Variants in KLHL28 observed in about 807,000 individuals in gnomAD.
KLHL28 encodes kelch like family member 28.
In KLHL28, 22 loss-of-function variants were observed where a neutral mutation model predicts 48.3. The ratio of observed to expected loss-of-function variants is 0.46; its 90% CI spans 0.33 to 0.65. The LOEUF (loss-of-function observed/expected upper bound fraction) is 0.65. Ranked by LOEUF, KLHL28 falls within the 30% of genes least tolerant of loss-of-function variation. The pLI is 0.03. For synonymous variants in KLHL28, 243 were observed against 242.4 expected (o/e 1.00, Z -0.02); for missense variants, 527 against 704.3 (o/e 0.75, Z 2.85).
intron 2 of KLHL28, among the ~76,000 whole-genome samples, chr14:44,944,264 C>A (rs866776405): frequency 6.6e-6 from 1 of 152,136 alleles, no homozygotes; most frequent in Non-Finnish European, 1.5e-5. Context: ...TCACCATGGG[C>A]CAAATTTAGC....
At chr14:44,947,120 C>T (rs1394716464) in intron 1 of KLHL28, among the ~76,000 whole-genome samples, 1 of 152,118 alleles carries the variant, frequency 6.6e-6, no homozygotes, top group Admixed American at 6.6e-5. Context: ...GGGACAAGAT[C>T]CTGGATTATC....
At chr14:44,931,151 A>G (rs1883567808) in intron 4 of KLHL28, among the ~76,000 whole-genome samples, 182 bp downstream of exon 4, 1 of 152,178 alleles carries the variant, frequency 6.6e-6, no homozygotes, top group Non-Finnish European at 1.5e-5. Flanking sequence ...AAGTCACAAT[A>G]AAGAAATCTA....
chr14:44,960,053 G>A (rs186737309), intron 1 of KLHL28, among the ~76,000 whole-genome samples: 1 of 152,280 alleles, frequency 6.6e-6, no homozygotes, highest in East Asian at 1.9e-4. Flanking sequence ...CCACTATGGA[G>A]ACTAATGCCT....
In KLHL28 at chr14:44,926,012, A is replaced by G. The variant is rs1198451648; in HGVS notation, c.*3016T>C. 6.6e-6 allele frequency: 1 copy of G among 152,162 alleles called. No homozygotes were observed. The highest frequency in any genetic ancestry group is 2.4e-5 in the African/African-American group (1 of 41,452). The allele number at this position is 152,162 out of a possible 1,614,324, so 9.4% of individuals were successfully genotyped here. A position where few individuals can be genotyped will look rare whatever the true frequency, so the allele number is the denominator to read the frequency against. On this transcript the variant is annotated 3_prime_UTR_variant, in exon 5 of 5. Transcript: ENST00000396128. ...TTTCTCTTCTTGCCTGAATATGTAAAATTATTTCTAATACTTTTAATCCTG... is the reference window on the plus strand; with the variant it reads ...TTTCTCTTCTTGCCTGAATATGTAAGATTATTTCTAATACTTTTAATCCTG...
rs1884306633 is a variant in KLHL28, at chr14:44,945,756, G to A, written c.173C>T (p.Pro58Leu). ...TCCAGTGAACATAGCTTTGAAATACGGGCTGACGCTGGCAAGTACCACTTT... is the reference window on the plus strand; with the variant it reads ...TCCAGTGAACATAGCTTTGAAATACAGGCTGACGCTGGCAAGTACCACTTT... The part of the protein sequence containing the change: ...AHKVVLASVS[P>L]YFKAMFTGNL... The change falls in exon 2 of 5, where the codon CCG (proline) becomes CTG (leucine). Residue 58 changes from proline (P) to leucine (L), a missense_variant. Physicochemically the swap from Pro to Leu is moderately conservative, Grantham distance 98. Coordinates refer to ENST00000396128, the MANE Select transcript of KLHL28 (RefSeq NM_017658.5). 4 of 1,614,040 alleles carry A rather than the reference G, an allele frequency of 2.5e-6. No homozygotes were observed. Among genetic ancestry groups the A allele is most frequent in the Non-Finnish European group, 3.4e-6 (4 of 1,180,002 alleles).
At chr14:44,957,908 C>A (rs895044716) in intron 1 of KLHL28, among the ~76,000 whole-genome samples, 1 of 151,932 alleles carries the variant, frequency 6.6e-6, no homozygotes, top group East Asian at 1.9e-4. Context: ...GAGGATAGAT[C>A]ATTCATATAA....
intron 1 of KLHL28, among the ~76,000 whole-genome samples, chr14:44,960,723 CA>C (rs1885022669): frequency 6.9e-6 from 1 of 144,128 alleles, no homozygotes; most frequent in Non-Finnish European, 1.5e-5. Context: ...CCCACCCCCC[CA>C]AAAACAAAAC....
At chr14:44,949,790 T>C (rs1261207174) in intron 1 of KLHL28, among the ~76,000 whole-genome samples, 1 of 152,118 alleles carries the variant, frequency 6.6e-6, no homozygotes, top group African/African-American at 2.4e-5. Context: ...GTAGAACGTG[T>C]TTAACAGGTT....
At chr14:44,961,294 G>A (rs1361809462) in intron 1 of KLHL28, among the ~76,000 whole-genome samples, 5 of 152,124 alleles carry the variant, frequency 3.3e-5, no homozygotes, top group Non-Finnish European at 5.9e-5. Context: ...AGGCTAGGGC[G>A]GCAGACGGAG....
At chr14:44,934,881 A>G (rs1883743087) in intron 2 of KLHL28, among the ~76,000 whole-genome samples, 1 of 152,208 alleles carries the variant, frequency 6.6e-6, no homozygotes, top group South Asian at 2.1e-4. Flanking sequence ...CTGAATGTCT[A>G]TTATAATTTT....
At chr14:44,949,368 C>G (rs946615559) in intron 1 of KLHL28, among the ~76,000 whole-genome samples, 1 of 152,044 alleles carries the variant, frequency 6.6e-6, no homozygotes, top group East Asian at 1.9e-4. Context: ...ATTTAGAAGA[C>G]TTGTAGATCA....
chr14:44,941,578 A>T (rs1884088876), intron 2 of KLHL28, among the ~76,000 whole-genome samples: 1 of 149,580 alleles, frequency 6.7e-6, no homozygotes, highest in Non-Finnish European at 1.5e-5. Context: ...CGGTGAGCCG[A>T]GATTGCGCCA....
In KLHL28 at chr14:44,945,244, A is replaced by G. The variant is rs765664066; in HGVS notation, c.685T>C (p.Leu229=). ...AGTCTAGTGAGAAACTTAACACTCAACAATGGTAATCGTACACTGTTTAGT... is the reference window on the plus strand; with the variant it reads ...AGTCTAGTGAGAAACTTAACACTCAGCAATGGTAATCGTACACTGTTTAGT... ...QLLNSVRLPL[L]SVKFLTRLYE... is the part of the protein sequence containing the mutation. The change falls in exon 2 of 5, where the codon TTG becomes CTG. Residue 229 remains leucine, a synonymous_variant. Transcript: ENST00000396128. The G allele has an allele frequency of 6.2e-7, 1 of 1,614,150 alleles. No homozygotes were observed. The highest frequency in any genetic ancestry group is 8.5e-7 in the Non-Finnish European group (1 of 1,179,996).
Position 44,933,117 on chromosome 14 carries a change from T to C in KLHL28, c.1343+998A>G, listed in dbSNP as rs536154011. On this transcript the variant is annotated intron_variant, in intron 3 of 4. Transcript: ENST00000396128. ...CTTATAATACTATGCAAATAGCTGTTATACTGTATTATTTTGTTTTTTATT... is the reference window on the plus strand; with the variant it reads ...CTTATAATACTATGCAAATAGCTGTCATACTGTATTATTTTGTTTTTTATT... Among the ~76,000 whole-genome samples the C allele has an allele frequency of 1.1e-3, 165 of 152,310 alleles. 1 individual carries two copies. Among genetic ancestry groups the C allele is most frequent in the Non-Finnish European group, 1.8e-3 (123 of 68,028 alleles).
intron 1 of KLHL28, 54 bp from the exon 2 acceptor site, chr14:44,945,982 A>T: frequency 1.4e-6 from 2 of 1,396,580 alleles, no homozygotes; most frequent in South Asian, 1.3e-5. Context: ...CTTGTCAAAA[A>T]CACTGCTTTT....
intron 1 of KLHL28, among the ~76,000 whole-genome samples, chr14:44,948,709 G>C (rs1884448055): frequency 6.6e-6 from 1 of 151,970 alleles, no homozygotes; most frequent in Non-Finnish European, 1.5e-5. Flanking sequence ...CTCATGTAAT[G>C]ACTATAGCTC....
At chr14:44,946,455 C>T (rs1884339505) in intron 1 of KLHL28, among the ~76,000 whole-genome samples, 1 of 151,822 alleles carries the variant, frequency 6.6e-6, no homozygotes, top group Non-Finnish European at 1.5e-5. Flanking sequence ...GGTACTATTA[C>T]CACCAATTAA....
intron 2 of KLHL28, among the ~76,000 whole-genome samples, chr14:44,943,045 CT>C (rs1311751301): frequency 1.3e-5 from 2 of 151,908 alleles, no homozygotes; most frequent in Non-Finnish European, 2.9e-5. Context: ...GCAAATAATA[CT>C]TTTAATTTTT....
At chr14:44,952,660 A>G (rs1454475990) in intron 1 of KLHL28, among the ~76,000 whole-genome samples, 1 of 152,158 alleles carries the variant, frequency 6.6e-6, no homozygotes, top group African/African-American at 2.4e-5. Context: ...CAGCCTCATC[A>G]GTAGCTGGGA....
Sources: allele counts gnomAD v4.1 joint callset (sites outside exome capture counted in the v4.1 genomes callset), GRCh38; gene constraint gnomAD v4.1.1; transcripts MANE v1.5; gene names NCBI Gene and HGNC (gene_info 2026-07-23, HGNC 2026-07-21).